DBF4B: variants seen among roughly 807,000 people sequenced by gnomAD.
DBF4B encodes protein DBF4 homolog B.
DBF4B carries 49 observed loss-of-function variants against 53.4 expected under a neutral mutation model. The observed-to-expected ratio is 0.92, with a 90% CI of 0.73 to 1.16. The LOEUF is 1.16. DBF4B is among the 50% of genes most tolerant of loss of function. The pLI, the probability that DBF4B is intolerant of heterozygous loss-of-function variation, is 0.00. For synonymous variants in DBF4B, 257 were observed against 288.7 expected (o/e 0.89, Z 1.11); for missense variants, 692 against 775.0 (o/e 0.89, Z 1.27).
intron 3 of DBF4B, among the ~76,000 whole-genome samples, chr17:44,724,659 G>A (rs1031845804): frequency 3.3e-5 from 5 of 152,110 alleles, no homozygotes; most frequent in African/African-American, 1.2e-4. Context: ...GATTATAGGC[G>A]TGAGCCACCA....
At chr17:44,712,633 G>C (rs1972983223) in intron 2 of DBF4B, among the ~76,000 whole-genome samples, 1 of 151,698 alleles carries the variant, frequency 6.6e-6, no homozygotes, top group South Asian at 2.1e-4. Context: ...TAGAGATGGG[G>C]TTTTACCATG....
chr17:44,727,155 C>T (rs929056380), intron 3 of DBF4B, among the ~76,000 whole-genome samples: 7 of 142,226 alleles, frequency 4.9e-5, no homozygotes, highest in African/African-American at 7.9e-5. Context: ...CTCAGTGGCT[C>T]GTGCCTGTAA....
chr17:44,750,186 C>G (rs1249390240), intron 13 of DBF4B: 75 of 1,001,264 alleles, frequency 7.5e-5, no homozygotes, highest in Non-Finnish European at 8.4e-5. Flanking sequence ...GGACCTCCCC[C>G]CATTTCTGGC....
chr17:44,726,904 G>T (rs1367407668), intron 3 of DBF4B, among the ~76,000 whole-genome samples: 1 of 152,090 alleles, frequency 6.6e-6, no homozygotes, highest in East Asian at 1.9e-4. Flanking sequence ...TTCAAGGCCA[G>T]CCTGGCCAAC....
intron 1 of DBF4B, 58 bp downstream of exon 1, chr17:44,708,897 G>C (rs1475839611): frequency 1.5e-5 from 23 of 1,545,820 alleles, no homozygotes; most frequent in Non-Finnish European, 2.0e-5. Context: ...TAGCTGAGGC[G>C]AGGTGCGGAG....
At chr17:44,729,856 T>C (rs774438241) in intron 3 of DBF4B, 49 bp from the exon 4 acceptor site, 15 of 1,593,398 alleles carry the variant, frequency 9.4e-6, no homozygotes, top group Non-Finnish European at 1.1e-5. Flanking sequence ...ATATTGACAA[T>C]TCTGCATTTG....
intron 2 of DBF4B, among the ~76,000 whole-genome samples, chr17:44,721,755 C>G (rs1021103160): frequency 2.0e-5 from 3 of 151,150 alleles, no homozygotes; most frequent in Non-Finnish European, 2.9e-5. Flanking sequence ...TGATTGGTAA[C>G]GTGCTGCTCG....
At position 44,732,258 on chromosome 17, in the gene DBF4B, C is replaced by T. The variant is rs768164259; in HGVS notation, c.549C>T (p.His183=). ...NARSWGVRIL[H]VDEMMMHVQQ... ...GCTCTTGGGGAGTGAGGATTCTGCA[C>T]GTGGATGGTACCCTTTCTGTGCTGG... is the stretch of plus-strand genomic sequence containing the variant. The change falls in exon 6 of 14, where the codon CAC becomes CAT. Residue 183 remains histidine (H), a synonymous_variant. Transcript: ENST00000315005. The T allele has an allele frequency of 6.8e-6, 11 of 1,613,952 alleles. No homozygotes were observed. Among genetic ancestry groups the T allele is most frequent in the East Asian group, 2.2e-5 (1 of 44,892 alleles).
At chr17:44,741,574 G>A in intron 10 of DBF4B, 122 bp downstream of exon 10, 1 of 623,604 alleles carries the variant, frequency 1.6e-6, no homozygotes. Flanking sequence ...AGTCTATTCT[G>A]GGAACGTAGC....
rs1284588005 is a variant in DBF4B, at chr17:44,750,646, G to C, written c.1241G>C (p.Gly414Ala). ...GQQRWTESLDGVMGPPASHTC... is the reference protein window; with the variant it reads ...GQQRWTESLDAVMGPPASHTC... ...CAGCGATGGACAGAATCACTAGATG[G>C]TGTGATGGGACCTCCTGCAAGTCAC... The change falls in exon 14 of 14, where the codon GGT becomes GCT. Residue 414 changes from glycine to alanine, a missense_variant. Coordinates refer to ENST00000315005, the MANE Select transcript of DBF4B (RefSeq NM_145663.3). The C allele has an allele frequency of 2.5e-6, 4 of 1,613,872 alleles. No homozygotes were observed. The highest frequency in any genetic ancestry group is 2.7e-5 in the African/African-American group (2 of 74,926).
intron 2 of DBF4B, chr17:44,720,424 G>A (rs1030136520): frequency 4.3e-6 from 1 of 233,016 alleles, no homozygotes. Flanking sequence ...ATAGCAGATC[G>A]GGAATATCTG....
chr17:44,748,499 C>A (rs756378106), intron 13 of DBF4B, 34 bp downstream of exon 13: 32 of 1,612,854 alleles, frequency 2.0e-5, no homozygotes, highest in Middle Eastern at 1.6e-4. Context: ...GTGGACAGCA[C>A]GCAGGCACCA....
Position 44,752,081 on chromosome 17 carries a change from C to T in DBF4B, c.*828C>T, listed in dbSNP as rs572266347. On this transcript the variant is annotated 3_prime_UTR_variant, in exon 14 of 14. Transcript: ENST00000315005. ...CCTTTCACTTCTCGGCAGATGTGAC[C>T]GATTGGTAGCTCCACCCCAACTCCC... The T allele has an allele frequency of 7.6e-4, 940 of 1,244,214 alleles. 2 individuals are homozygous for T. Among genetic ancestry groups the T allele is most frequent in the Non-Finnish European group, 9.8e-4 (864 of 882,460 alleles). 77.1% of individuals were successfully genotyped at this position (1,244,214 alleles called of 1,614,324 possible).
rs2049289283 is a variant in DBF4B at position 44,752,180 on chromosome 17, G to A, written c.*927G>A. On this transcript the variant is annotated 3_prime_UTR_variant, in exon 14 of 14. Transcript: ENST00000315005. ...CTCAGAAAAATGCCTTTATTACTCG[G>A]GCCTCAGTTTCCTCGTCTTTAAGTA... The A allele has an allele frequency of 1.7e-6, 1 of 593,864 alleles. No homozygotes were observed. Among genetic ancestry groups the A allele is most frequent in the Admixed American group, 2.9e-5 (1 of 34,444 alleles). 36.8% of individuals were successfully genotyped at this position (593,864 alleles called of 1,614,324 possible).
chr17:44,747,023 G>A, intron 10 of DBF4B, 60 bp from the exon 11 acceptor site: 1 of 1,502,750 alleles, frequency 6.7e-7, no homozygotes, highest in Non-Finnish European at 9.3e-7. Context: ...TCTAAGTAGT[G>A]GCTCCTCCCC....
chr17:44,728,677 C>T (rs544049335), intron 3 of DBF4B, among the ~76,000 whole-genome samples: 97 of 150,636 alleles, frequency 6.4e-4, no homozygotes, highest in African/African-American at 2.3e-3. Context: ...ATTAGCTGGG[C>T]GTGGTGGCAT....
Position 44,718,915 on chromosome 17 carries a change from C to T in DBF4B, c.83-3965C>T, listed in dbSNP as rs1228294375. 4.1e-5 allele frequency: 6 copies of T among 146,646 alleles called. No individual in the cohort carries two copies. In the East Asian group the frequency reaches 1.4e-3, roughly 35 times the overall value. The allele number at this position is 146,646 out of a possible 1,614,324, so 9.1% of individuals were successfully genotyped here. ...GACAGAGGTTGTAGTGAGCCAAGAT[C>T]GCGCCACTGCACTCCAGCCTGGGTG... On this transcript the variant is annotated intron_variant, in intron 2 of 13. Transcript: ENST00000315005.
At position 44,751,861 on chromosome 17, in the gene DBF4B, C is replaced by T. The variant is rs1229871741; in HGVS notation, c.*608C>T. ...CCTTGAAGCCTGGCTCCCTTGGTCGCAGCAGCCCCTCAGTGGCCTGGTTCT... is the reference window on the plus strand; with the variant it reads ...CCTTGAAGCCTGGCTCCCTTGGTCGTAGCAGCCCCTCAGTGGCCTGGTTCT... On this transcript the variant is annotated 3_prime_UTR_variant, in exon 14 of 14. Transcript: ENST00000315005. 1.3e-6 allele frequency: 2 copies of T among 1,535,864 alleles called. No homozygotes were observed. The highest frequency in any genetic ancestry group is 1.7e-6 in the Non-Finnish European group (2 of 1,146,760).
chr17:44,727,990 T>C (rs1017534961), intron 3 of DBF4B, among the ~76,000 whole-genome samples: 9 of 151,620 alleles, frequency 5.9e-5, no homozygotes, highest in Non-Finnish European at 1.0e-4. Flanking sequence ...AGTGCTAGGA[T>C]TACAGGCATG....
Sources: allele counts gnomAD v4.1 joint callset (sites outside exome capture counted in the v4.1 genomes callset), GRCh38; gene constraint gnomAD v4.1.1; transcripts MANE v1.5; gene names NCBI Gene and HGNC (gene_info 2026-07-23, HGNC 2026-07-21).